Variants in AMPH observed in about 807,000 individuals in gnomAD.
AMPH encodes the protein amphiphysin (Stiff-Mann syndrome with breast cancer 128kD autoantigen).
A neutral mutation model predicts 99.1 loss-of-function variants in AMPH; 49 were observed. That is an observed-to-expected ratio of 0.49 (90% confidence interval 0.39 to 0.63). AMPH has a LOEUF of 0.63. Ranked by LOEUF, AMPH falls within the 20% of genes least tolerant of loss-of-function variation. AMPH has a pLI of 0.00. For missense variants in AMPH, 759 were observed against 863.4 expected (o/e 0.88, Z 1.52); for synonymous variants, 314 against 317.3 (o/e 0.99, Z 0.11).
chr7:38,612,705 T>C (rs1365576484), intron 1 of AMPH, among the ~76,000 whole-genome samples: 6 of 152,200 alleles, frequency 3.9e-5, no homozygotes, highest in Non-Finnish European at 7.3e-5. Flanking sequence ...CGAGAGCCAG[T>C]AGATGATGTC....
intron 1 of AMPH, among the ~76,000 whole-genome samples, chr7:38,622,856 T>C (rs1794120453): frequency 1.3e-5 from 2 of 152,212 alleles, no homozygotes; most frequent in South Asian, 4.1e-4. Context: ...AGCTCAGACA[T>C]ACTGAAGCTG....
At chr7:38,441,871 T>TATATATC (rs1562757870) in intron 11 of AMPH, among the ~76,000 whole-genome samples, 1 of 120,030 alleles carries the variant, frequency 8.3e-6, no homozygotes, top group African/African-American at 3.3e-5. Context: ...ATATATATCA[T>TATATATC]ATATATATCA....
chr7:38,397,499 AC>A (rs1360943926), intron 17 of AMPH, among the ~76,000 whole-genome samples: 1 of 152,228 alleles, frequency 6.6e-6, no homozygotes, highest in East Asian at 1.9e-4. Context: ...TTTGCCATAT[AC>A]AAAAATTAAA....
chr7:38,392,087 C>G, intron 18 of AMPH, 70 bp from the exon 19 acceptor site: 1 of 1,520,658 alleles, frequency 6.6e-7, no homozygotes, highest in Admixed American at 1.9e-5. Context: ...CCTGCACAAC[C>G]TGCCTTAGCC....
chr7:38,410,522 G>T (rs1562735363), intron 17 of AMPH, among the ~76,000 whole-genome samples: 1 of 152,174 alleles, frequency 6.6e-6, no homozygotes, highest in Non-Finnish European at 1.5e-5. Flanking sequence ...CATCCCGATG[G>T]CCTAGCAAAC....
intron 5 of AMPH, among the ~76,000 whole-genome samples, chr7:38,477,200 C>T (rs553902528): frequency 6.6e-6 from 1 of 151,886 alleles, no homozygotes; most frequent in East Asian, 1.9e-4. Context: ...AATAATTAGG[C>T]TAATCACAAG....
chr7:38,505,117 T>C (rs1041381989), intron 2 of AMPH, among the ~76,000 whole-genome samples: 3 of 152,202 alleles, frequency 2.0e-5, no homozygotes, highest in Admixed American at 6.5e-5. Context: ...ACATTTAGCA[T>C]TGCAACAGCC....
chr7:38,467,156 C>A (rs1407795211), intron 7 of AMPH, among the ~76,000 whole-genome samples: 1 of 152,124 alleles, frequency 6.6e-6, no homozygotes, highest in African/African-American at 2.4e-5. Flanking sequence ...CAGACCAGAG[C>A]CTGGGAGAGG....
chr7:38,427,935 C>T (rs1423463838), intron 14 of AMPH: 4 of 456,572 alleles, frequency 8.8e-6, no homozygotes, highest in Middle Eastern at 3.2e-4. Flanking sequence ...GTCCTGGTCT[C>T]GGGAACTAGC....
intron 20 of AMPH, among the ~76,000 whole-genome samples, chr7:38,387,985 T>A (rs1246395156): frequency 6.6e-6 from 1 of 151,654 alleles, no homozygotes; most frequent in Non-Finnish European, 1.5e-5. Flanking sequence ...GAAAAAAAAA[T>A]CAACTCAGAT....
chr7:38,594,184 G>T (rs1178948867), intron 1 of AMPH, among the ~76,000 whole-genome samples: 1 of 152,148 alleles, frequency 6.6e-6, no homozygotes, highest in Non-Finnish European at 1.5e-5. Flanking sequence ...TTCCAGGTAT[G>T]TCCTGAAAGT....
intron 5 of AMPH, among the ~76,000 whole-genome samples, chr7:38,482,626 T>G (rs1304272577): frequency 6.6e-6 from 1 of 152,166 alleles, no homozygotes; most frequent in Non-Finnish European, 1.5e-5. Context: ...ATTTTATTAA[T>G]GATACTAAGT....
chr7:38,599,596 G>T (rs573123979), intron 1 of AMPH, among the ~76,000 whole-genome samples: 1 of 152,166 alleles, frequency 6.6e-6, no homozygotes, highest in Admixed American at 6.5e-5. Context: ...AAAATTACAC[G>T]TAGATTTTTT....
rs754929044 is a variant in AMPH at position 38,436,280 on chromosome 7, T to C, written c.1126A>G (p.Met376Val). The C allele has an allele frequency of 1.2e-6, 2 of 1,613,734 alleles. No individual in the cohort carries two copies. The highest frequency in any genetic ancestry group is 8.5e-7 in the Non-Finnish European group (1 of 1,179,618). ...CAAAAAGCACCTGATACCTGAGACA[T>C]GGGTGAGTGGGTCACTCCAGCAGAA... ...AGSAGVTHSP[M>V]SQTLPWDLWT... The change falls in exon 12 of 21, where the codon ATG (methionine) becomes GTG (valine). Residue 376 changes from methionine to valine, a missense_variant. Coordinates refer to ENST00000356264, the MANE Select transcript of AMPH (RefSeq NM_001635.4).
chr7:38,407,262 T>G lies in AMPH; in HGVS notation c.1398+10563A>C, dbSNP rs140959750. Among the ~76,000 whole-genome samples, 350 of 145,074 alleles carry G rather than the reference T, an allele frequency of 2.4e-3. 1 individual carries two copies. The highest frequency in any genetic ancestry group is 6.3e-3 in the African/African-American group (249 of 39,796). ...AGATATATCTGTATCTAACTATCTATCTATCTAGCTAGCTAGCTTTCTATC... is the reference window on the plus strand; with the variant it reads ...AGATATATCTGTATCTAACTATCTAGCTATCTAGCTAGCTAGCTTTCTATC... On this transcript the variant is annotated intron_variant, in intron 17 of 20. Transcript: ENST00000356264.
At position 38,441,770 on chromosome 7, in the gene AMPH, G is replaced by GAT. The variant is rs749941653; in HGVS notation, c.1018-5384_1018-5383dup. Among the ~76,000 whole-genome samples the GAT allele has an allele frequency of 8.3e-4, 71 of 85,886 alleles. 4 individuals carry two copies. The highest frequency in any genetic ancestry group is 1.2e-3 in the South Asian group (3 of 2,470). The allele number at this position is 85,886 out of a possible 152,430, so 56.3% of individuals were successfully genotyped here. A position where few individuals can be genotyped will look rare whatever the true frequency, so the allele number is the denominator to read the frequency against. On this transcript the variant is annotated intron_variant, in intron 11 of 20. Coordinates refer to ENST00000356264, the MANE Select transcript of AMPH (RefSeq NM_001635.4). ...TATATCATATATATATCATATATAT[G>GAT]ATATATATCATATATCTGTCATATA... is the stretch of plus-strand genomic sequence containing the variant.
intron 1 of AMPH, among the ~76,000 whole-genome samples, chr7:38,595,422 C>T (rs919292900): frequency 5.3e-5 from 8 of 152,152 alleles, no homozygotes; most frequent in African/African-American, 1.9e-4. Flanking sequence ...ATAGTCCCTG[C>T]CATGTTTCTC....
At chr7:38,514,932 T>C (rs1164646948) in intron 2 of AMPH, among the ~76,000 whole-genome samples, 1 of 152,172 alleles carries the variant, frequency 6.6e-6, no homozygotes, top group Non-Finnish European at 1.5e-5. Flanking sequence ...TGGAAGAGTT[T>C]GGAGCAGGCT....
chr7:38,454,773 G>C (rs1391102007), intron 11 of AMPH, among the ~76,000 whole-genome samples: 1 of 152,116 alleles, frequency 6.6e-6, no homozygotes, highest in Non-Finnish European at 1.5e-5. Flanking sequence ...AATATATAAA[G>C]AGATGTTTAT....
Sources: gnomAD v4.1 joint callset for allele counts (sites outside exome capture counted in the v4.1 genomes callset) on GRCh38, gnomAD v4.1.1 for gene constraint, MANE v1.5 for transcripts, NCBI Gene and HGNC (gene_info 2026-07-23, HGNC 2026-07-21) for gene names.